APC: variants seen among roughly 807,000 people sequenced by gnomAD.
The protein encoded by APC is adenomatous polyposis coli protein.
A neutral mutation model predicts 247.0 loss-of-function variants in APC; 72 were observed. The ratio of observed to expected loss-of-function variants is 0.29; its 90% confidence interval spans 0.24 to 0.35. APC has a LOEUF of 0.35. Among genes scored for constraint, APC ranks in the 10% least tolerant of loss-of-function variants. APC has a pLI of 1.00. For missense variants in APC, 3,400 were observed against 3,360.7 expected, an observed-to-expected ratio of 1.01 and a Z score of -0.29; for synonymous variants, 1,254 against 1,162.5, an observed-to-expected ratio of 1.08 and a Z score of -1.60.
At position 112,754,780 on chromosome 5, in the gene APC, T is replaced by C. The variant is rs182529004; in HGVS notation, c.-18-93T>C. ...ATTAACACAATTCTTCTTAAACGTC[T>C]TAAGAGTTTTGTTTCCTTTACCCCT... On this transcript the variant is annotated intron_variant, in intron 1 of 15. Transcript: ENST00000257430. 6.9e-3 allele frequency: 8,315 copies of C among 1,205,160 alleles called. 42 individuals are homozygous for C. The highest frequency in any genetic ancestry group is 0.012 in the Middle Eastern group (57 of 4,794). 74.7% of individuals were successfully genotyped at this position (1,205,160 alleles called of 1,614,324 possible).
In APC at chr5:112,707,584, T is replaced by C. The variant is rs963346102; in HGVS notation, c.-134T>C. 10 of 967,364 alleles carry C rather than the reference T, an allele frequency of 1.0e-5. No homozygotes were observed. In the Admixed American group the frequency reaches 1.3e-4, roughly 12 times the overall value. The allele number at this position is 967,364 out of a possible 1,614,324, so 59.9% of individuals were successfully genotyped here. ...TGGCCGCCGGAAGCCTAGCCGCTGC[T>C]CGGGGGGGACCTGCGGGCTCAGGCC... On this transcript the variant is annotated 5_prime_UTR_variant, in exon 1 of 14. Coordinates refer to the APC transcript ENST00000507379.
intron 6 of APC, among the ~76,000 whole-genome samples, chr5:112,784,170 C>T (rs1391047814): frequency 6.6e-6 from 1 of 152,116 alleles, no homozygotes; most frequent in African/African-American, 2.4e-5. Flanking sequence ...TGGCTTCAAG[C>T]GATTCTCATG....
At chr5:112,763,005 T>TA (rs1279665115) in intron 2 of APC, among the ~76,000 whole-genome samples, 2 of 152,208 alleles carry the variant, frequency 1.3e-5, no homozygotes, top group Non-Finnish European at 2.9e-5. Flanking sequence ...TCAAAGCACT[T>TA]ACAAAAGTAA....
chr5:112,825,141 G>T (rs752867418), intron 11 of APC, among the ~76,000 whole-genome samples: 7 of 152,028 alleles, frequency 4.6e-5, no homozygotes, highest in Non-Finnish European at 8.8e-5. Context: ...CAAAATCTTG[G>T]AAATCATTCA....
Position 112,839,351 on chromosome 5 carries a change from T to C in APC, c.3757T>C (p.Ser1253Pro). ...AAAGGCTGCCACTTGCAAAGTTTCT[T>C]CTATTAACCAAGAAACAATACAGAC... Reference protein sequence around the residue: ...PQKAATCKVSSINQETIQTYC... With the variant: ...PQKAATCKVSPINQETIQTYC... Residue 1253 changes from serine (S) to proline (P), a missense_variant, in exon 16 of 16, where the codon TCT (serine) becomes CCT (proline). Around this residue, in one of 9 missense-constraint regions of APC, gnomAD observed 715 missense variants for 656.6 expected, o/e 1.09. Coordinates refer to ENST00000257430, the MANE Select transcript of APC (RefSeq NM_000038.6). The surrounding 1 kb of genome is among the most constrained non-coding windows in gnomAD (Gnocchi z 5.0). 1 of 1,613,158 alleles carries C rather than the reference T, an allele frequency of 6.2e-7. No individual in the cohort carries two copies. The highest frequency in any genetic ancestry group is 8.5e-7 in the Non-Finnish European group (1 of 1,179,534).
In APC at chr5:112,836,171, C is replaced by A. The variant is rs897169917; in HGVS notation, c.1958+1006C>A. ...GAGTAGCTGGGATTACAGGTCCCCCCCCCCCCCCGCCACCGTGCCCGGCTA... is the reference window on the plus strand; with the variant it reads ...GAGTAGCTGGGATTACAGGTCCCCCACCCCCCCCGCCACCGTGCCCGGCTA... On this transcript the variant is annotated intron_variant, in intron 15 of 15. Transcript: ENST00000257430. Among the ~76,000 whole-genome samples, 3 of 70,988 alleles carry A rather than the reference C, an allele frequency of 4.2e-5. 1 individual carries two copies. Among genetic ancestry groups the A allele is most frequent in the Non-Finnish European group, 6.9e-5 (2 of 28,954 alleles). The allele number at this position is 70,988 out of a possible 152,430, so 46.6% of individuals were successfully genotyped here. A position where few individuals can be genotyped will look rare whatever the true frequency, so the allele number is the denominator to read the frequency against.
At chr5:112,820,182 GACAC>G (rs111788809) in intron 10 of APC, among the ~76,000 whole-genome samples, 10,073 of 143,312 alleles carry the variant, frequency 0.07, 555 homozygotes, top group African/African-American at 0.15. Context: ...GATAAGAACT[GACAC>G]ACACACACAC....
chr5:112,805,197 A>G (rs979474883), intron 8 of APC, among the ~76,000 whole-genome samples: 1 of 152,036 alleles, frequency 6.6e-6, no homozygotes. Context: ...ATGAACATGT[A>G]TTACTATAAT....
chr5:112,832,122 A>G (rs988361196), intron 14 of APC, among the ~76,000 whole-genome samples: 4 of 152,126 alleles, frequency 2.6e-5, no homozygotes, highest in African/African-American at 9.7e-5. Flanking sequence ...TGTATTAATA[A>G]CCTCTAATTA....
At position 112,838,632 on chromosome 5, in the gene APC, A is replaced by G. The variant is rs1554084653; in HGVS notation, c.3038A>G (p.His1013Arg). The change falls in exon 16 of 16, where the codon CAT becomes CGT. Residue 1013 changes from histidine to arginine, a missense_variant. Physicochemically the swap from His to Arg is conservative, Grantham distance 29 (BLOSUM62 0). This residue lies in a region of APC where 715 missense variants were observed against 656.6 expected (regional missense o/e 1.09). Transcript: ENST00000257430. Reference protein sequence around the residue: ...DLAHKIHSANHMDDNDGELDT... With the variant: ...DLAHKIHSANRMDDNDGELDT... ...GCCCATAAAATACATAGTGCAAATC[A>G]TATGGATGATAATGATGGAGAACTA... The G allele has an allele frequency of 6.2e-7, 1 of 1,614,170 alleles. No homozygotes were observed. The highest frequency in any genetic ancestry group is 8.5e-7 in the Non-Finnish European group (1 of 1,180,018).
chr5:112,786,595 C>T (rs888854031), intron 6 of APC, among the ~76,000 whole-genome samples: 3 of 152,082 alleles, frequency 2.0e-5, no homozygotes, highest in Non-Finnish European at 4.4e-5. Flanking sequence ...CTCTATATTG[C>T]CATAATTGAT....
In APC at chr5:112,707,599, G is replaced by A. The variant is rs1460028540; in HGVS notation, c.-119G>A. 1.1e-5 allele frequency: 12 copies of A among 1,129,104 alleles called. No individual in the cohort carries two copies. Among genetic ancestry groups the A allele is most frequent in the Middle Eastern group, 2.3e-4 (1 of 4,344 alleles). 69.9% of individuals were successfully genotyped at this position (1,129,104 alleles called of 1,614,324 possible). On this transcript the variant is annotated 5_prime_UTR_variant, in exon 1 of 14. Coordinates refer to the APC transcript ENST00000507379. ...TAGCCGCTGCTCGGGGGGGACCTGCGGGCTCAGGCCCGGGAGCTGCGGACC... is the reference window on the plus strand; with the variant it reads ...TAGCCGCTGCTCGGGGGGGACCTGCAGGCTCAGGCCCGGGAGCTGCGGACC...
chr5:112,796,347 GAGATT>G lies in APC; in HGVS notation c.729+3822_729+3826del, dbSNP rs1760212156. ...CCCTTCCCCAAAAACTCAGCTGAAA[GAGATT>G]AGAAAGAAAGAGTTCTTTCAAAAAA... On this transcript the variant is annotated intron_variant, in intron 7 of 15. Transcript: ENST00000257430. Among the ~76,000 whole-genome samples the G allele has an allele frequency of 2.6e-5, 4 of 152,194 alleles. No individual in the cohort carries two copies. In the South Asian group the frequency reaches 8.3e-4, roughly 31 times the overall value.
intron 8 of APC, among the ~76,000 whole-genome samples, chr5:112,813,462 C>T (rs368742143): frequency 5.9e-5 from 9 of 152,156 alleles, no homozygotes; most frequent in South Asian, 2.1e-4. Flanking sequence ...GAATTTATTA[C>T]GAATTCAGAA....
At chr5:112,801,522 C>A in intron 8 of APC, 139 bp downstream of exon 8, 1 of 604,422 alleles carries the variant, frequency 1.7e-6, no homozygotes, top group Non-Finnish European at 2.9e-6. Context: ...CATTCAGTAC[C>A]AATGTGCTGT....
intron 1 of APC, among the ~76,000 whole-genome samples, chr5:112,742,657 G>T (rs1298145507): frequency 6.6e-6 from 1 of 152,146 alleles, no homozygotes; most frequent in Non-Finnish European, 1.5e-5. Context: ...ATGTCTTCAT[G>T]ACATAGCAGC....
At chr5:112,799,991 G>C (rs1228367021) in intron 7 of APC, among the ~76,000 whole-genome samples, 2 of 152,094 alleles carry the variant, frequency 1.3e-5, no homozygotes, top group Non-Finnish European at 2.9e-5. Flanking sequence ...ATATCTCTCT[G>C]TTATATATAT....
chr5:112,807,010 G>A (rs1381410995), intron 8 of APC, among the ~76,000 whole-genome samples: 2 of 151,980 alleles, frequency 1.3e-5, no homozygotes, highest in African/African-American at 4.8e-5. Flanking sequence ...GCGTGCATCT[G>A]TAATCCCAGC....
chr5:112,753,278 G>A (rs1456408865), intron 1 of APC, among the ~76,000 whole-genome samples: 1 of 152,046 alleles, frequency 6.6e-6, no homozygotes, highest in Non-Finnish European at 1.5e-5. Context: ...TCCTTTGGCT[G>A]CATTACTTCT....
Sources: allele counts gnomAD v4.1 joint callset (sites outside exome capture counted in the v4.1 genomes callset), GRCh38; gene constraint gnomAD v4.1.1; regional missense constraint gnomAD v4.1.1; non-coding constraint Gnocchi (gnomAD v3.1); transcripts MANE v1.5; gene names NCBI Gene and HGNC (gene_info 2026-07-23, HGNC 2026-07-21).